Variants in ACSM2A observed in about 807,000 individuals in gnomAD.
ACSM2A encodes the protein acyl-coenzyme A synthetase ACSM2A, mitochondrial.
ACSM2A carries 72 observed loss-of-function variants against 76.6 expected under a neutral mutation model. That is an observed-to-expected ratio of 0.94 (90% confidence interval 0.78 to 1.14). ACSM2A has a LOEUF of 1.14. Ranked by LOEUF, ACSM2A falls within the 50% of genes most tolerant of loss-of-function variation. The probability of loss-of-function intolerance (pLI) is 0.00; values close to 1 mark genes in which losing one functional copy is unlikely to be tolerated. For missense variants in ACSM2A, 684 were observed against 708.5 expected (o/e 0.97, Z 0.39); for synonymous variants, 249 against 255.9 (o/e 0.97, Z 0.26).
intron 6 of ACSM2A, among the ~76,000 whole-genome samples, chr16:20,472,152 G>A (rs1416184319): frequency 6.6e-6 from 1 of 152,142 alleles, no homozygotes; most frequent in Non-Finnish European, 1.5e-5. Flanking sequence ...CATCCTATGT[G>A]TACAGTTTGA....
At chr16:20,456,962 A>G (rs1403774871) in intron 1 of ACSM2A, among the ~76,000 whole-genome samples, 1 of 151,890 alleles carries the variant, frequency 6.6e-6, no homozygotes, top group Non-Finnish European at 1.5e-5. Flanking sequence ...TTAGAAAGGA[A>G]ATGGGAGATA....
intron 8 of ACSM2A, chr16:20,476,590 T>A: frequency 1.0e-6 from 1 of 985,442 alleles, no homozygotes; most frequent in East Asian, 1.1e-4. Context: ...GAGGAGGACA[T>A]GTTTAGGATA....
At chr16:20,452,228 G>A (rs927232048) in intron 1 of ACSM2A, 7 of 151,960 alleles carry the variant, frequency 4.6e-5, no homozygotes, top group African/African-American at 1.7e-4. Flanking sequence ...GGTGGGCTGG[G>A]AGAGGCAGAC....
intron 1 of ACSM2A, among the ~76,000 whole-genome samples, chr16:20,458,322 T>C (rs1341923885): frequency 1.4e-5 from 2 of 147,714 alleles, no homozygotes; most frequent in Non-Finnish European, 3.0e-5. Flanking sequence ...ATTGTATCTA[T>C]ATATCTATAT....
intron 1 of ACSM2A, among the ~76,000 whole-genome samples, chr16:20,457,738 C>T (rs2012279702): frequency 6.6e-6 from 1 of 151,996 alleles, no homozygotes. Flanking sequence ...TGAAAGCATT[C>T]CCTCTGAGAA....
Position 20,463,274 on chromosome 16 carries a change from G to C in ACSM2A, c.178-2243G>C, listed in dbSNP as rs139426303. ...CAGGCAAATCCAACCAAAAAAAAAAGAGAATATTGTATTTTTCAATGTGAG... is the reference window on the plus strand; with the variant it reads ...CAGGCAAATCCAACCAAAAAAAAAACAGAATATTGTATTTTTCAATGTGAG... On this transcript the variant is annotated intron_variant, in intron 2 of 13. Coordinates refer to ENST00000573854, the MANE Select transcript of ACSM2A (RefSeq NM_001308172.2). Among the ~76,000 whole-genome samples, 18 of 151,418 alleles carry C rather than the reference G, an allele frequency of 1.2e-4. No individual in the cohort carries two copies. In the South Asian group the frequency reaches 2.3e-3, roughly 19 times the overall value.
rs1054977 is a variant in ACSM2A at position 20,486,625 on chromosome 16, G to A, written c.1681G>A (p.Ala561Thr). 1.9e-5 allele frequency: 31 copies of A among 1,613,968 alleles called. No individual in the cohort carries two copies. Among genetic ancestry groups the A allele is most frequent in the Middle Eastern group, 1.6e-4 (1 of 6,084 alleles). ...GACTGTCACAGGGAAAATTCAACGA[G>A]CCAAGCTTCGAGACAAGGAGTGGAA... ...PKTVTGKIQR[A>T]KLRDKEWKMS... is the part of the protein sequence containing the mutation. The change falls in exon 14 of 14, where the codon GCC (alanine) becomes ACC (threonine). Residue 561 changes from alanine to threonine, a missense_variant. Coordinates refer to ENST00000573854, the MANE Select transcript of ACSM2A (RefSeq NM_001308172.2).
Position 20,486,818 on chromosome 16 carries a change from C to A in ACSM2A, c.*140C>A. On this transcript the variant is annotated 3_prime_UTR_variant, in exon 14 of 14. Coordinates refer to ENST00000573854, the MANE Select transcript of ACSM2A (RefSeq NM_001308172.2). ...TTTTGTCTTGCCTTGGTTATTAGCA[C>A]AAAACTTTACCATGTTAGATGTTGA... 3 of 998,042 alleles carry A rather than the reference C, an allele frequency of 3.0e-6. No individual in the cohort carries two copies. The highest frequency in any genetic ancestry group is 2.5e-5 in the East Asian group (1 of 40,584). The allele number at this position is 998,042 out of a possible 1,614,324, so 61.8% of individuals were successfully genotyped here. A position where few individuals can be genotyped will look rare whatever the true frequency, so the allele number is the denominator to read the frequency against.
chr16:20,485,336 A>C lies in ACSM2A; in HGVS notation c.1630-1238A>C, dbSNP rs536102334. On this transcript the variant is annotated intron_variant, in intron 13 of 13. Coordinates refer to ENST00000573854, the MANE Select transcript of ACSM2A (RefSeq NM_001308172.2). ...GCAAGTCTCTCCTCTAGAATTCTCA[A>C]GGCAGCGGATTATTTGCACCTTCCC... 3.9e-5 allele frequency among the ~76,000 whole-genome samples: 6 copies of C among 152,272 alleles called. No homozygotes were observed. The East Asian group carries it at 1.2e-3, about 29-fold the overall frequency.
intron 5 of ACSM2A, 75 bp downstream of exon 5, chr16:20,471,291 T>C: frequency 1.3e-6 from 2 of 1,562,998 alleles, no homozygotes; most frequent in Non-Finnish European, 1.7e-6. Flanking sequence ...CCCAATTATA[T>C]ATTAAGTCAG....
chr16:20,479,433 GT>G (rs1159179397), intron 10 of ACSM2A, among the ~76,000 whole-genome samples: 5 of 151,996 alleles, frequency 3.3e-5, no homozygotes, highest in African/African-American at 9.7e-5. Flanking sequence ...ACCCTATAAA[GT>G]TTTTGGACTC....
chr16:20,475,463 G>T (rs1441706919), intron 7 of ACSM2A, 22 bp downstream of exon 7: 2 of 1,613,384 alleles, frequency 1.2e-6, no homozygotes, highest in South Asian at 2.2e-5. Flanking sequence ...TTGAGGATTG[G>T]TAAGAGAGTC....
chr16:20,472,797 G>A (rs1237544128), intron 6 of ACSM2A, among the ~76,000 whole-genome samples: 4 of 152,090 alleles, frequency 2.6e-5, no homozygotes, highest in South Asian at 2.1e-4. Flanking sequence ...TAGTCCACGT[G>A]TTGCATGTAT....
intron 3 of ACSM2A, 27 bp from the exon 4 acceptor site, chr16:20,469,485 A>T (rs1567365063): frequency 6.2e-7 from 1 of 1,610,342 alleles, no homozygotes; most frequent in Non-Finnish European, 8.5e-7. Flanking sequence ...CATCCTTTCC[A>T]ATTCTCTAAA....
chr16:20,485,703 A>C (rs28408109), intron 13 of ACSM2A, among the ~76,000 whole-genome samples: 1,525 of 152,330 alleles, frequency 0.01, 25 homozygotes, highest in African/African-American at 0.034. Flanking sequence ...AACTCTTCTC[A>C]ACAAAGTCAG....
intron 6 of ACSM2A, chr16:20,474,135 A>G: frequency 2.4e-6 from 1 of 414,386 alleles, no homozygotes; most frequent in Non-Finnish European, 4.7e-6. Flanking sequence ...ACCCTGACCA[A>G]TTTGGGCACG....
At chr16:20,471,835 G>T (rs893300592) in intron 6 of ACSM2A, 146 bp downstream of exon 6, 10 of 1,412,146 alleles carry the variant, frequency 7.1e-6, no homozygotes, top group African/African-American at 4.3e-5. Context: ...AGATGGAAAT[G>T]GTCCCTGACC....
Position 20,483,090 on chromosome 16 carries a change from G to A in ACSM2A, c.1542G>A (p.Gln514=), listed in dbSNP as rs2014183835. Residue 514 remains glutamine (Q), a synonymous_variant, in exon 13 of 14, where the codon CAG becomes CAA. Transcript: ENST00000573854. ...AGGCATTTGTGGTCCTGGCCTCGCAGTTCCTGTCCCATGACCCAGAACAGC... is the reference window on the plus strand; with the variant it reads ...AGGCATTTGTGGTCCTGGCCTCGCAATTCCTGTCCCATGACCCAGAACAGC... ...VVKAFVVLAS[Q]FLSHDPEQLT... 1.2e-6 allele frequency: 2 copies of A among 1,614,054 alleles called. No individual in the cohort carries two copies. Among genetic ancestry groups the A allele is most frequent in the Admixed American group, 1.7e-5 (1 of 60,014 alleles).
intron 7 of ACSM2A, 26 bp from the exon 8 acceptor site, chr16:20,475,624 G>A (rs779785893): frequency 1.2e-6 from 2 of 1,613,618 alleles, no homozygotes; most frequent in Admixed American, 3.3e-5. Flanking sequence ...GGAGGCTGAG[G>A]GCAAACATTT....
Sources: allele counts gnomAD v4.1 joint callset (sites outside exome capture counted in the v4.1 genomes callset), GRCh38; gene constraint gnomAD v4.1.1; transcripts MANE v1.5; gene names NCBI Gene and HGNC (gene_info 2026-07-23, HGNC 2026-07-21).